Variants in CAMK1D observed in about 807,000 individuals in gnomAD.
The protein encoded by CAMK1D is calcium/calmodulin dependent protein kinase ID.
A neutral mutation model predicts 47.7 loss-of-function variants in CAMK1D; 9 were observed. The ratio of observed to expected loss-of-function variants is 0.19; its 90% confidence interval spans 0.11 to 0.33. The LOEUF (loss-of-function observed/expected upper bound fraction) is 0.33. Among genes scored for constraint, CAMK1D ranks in the 10% least tolerant of loss-of-function variants. The pLI is 1.00. For synonymous variants in CAMK1D, 184 were observed against 184.9 expected, an observed-to-expected ratio of 0.99 and a Z score of 0.04; for missense variants, 291 against 488.7, an observed-to-expected ratio of 0.60 and a Z score of 3.81.
At chr10:12,547,240 G>A (rs74116971) in intron 1 of CAMK1D, among the ~76,000 whole-genome samples, 2,266 of 152,332 alleles carry the variant, frequency 0.015, 64 homozygotes, top group African/African-American at 0.052. Flanking sequence ...AGGATGAGCA[G>A]TGAGAGGAAG....
At chr10:12,747,850 C>A (rs546953829) in intron 3 of CAMK1D, among the ~76,000 whole-genome samples, 10 of 152,144 alleles carry the variant, frequency 6.6e-5, no homozygotes, top group Non-Finnish European at 1.2e-4. Flanking sequence ...CAGGAGGGAT[C>A]CCCTCATATT....
chr10:12,711,631 C>A (rs1034514060), intron 3 of CAMK1D, among the ~76,000 whole-genome samples: 1 of 152,172 alleles, frequency 6.6e-6, no homozygotes, highest in Non-Finnish European at 1.5e-5. Context: ...ATTCTGCATT[C>A]TCATAAGAAG....
intron 1 of CAMK1D, among the ~76,000 whole-genome samples, chr10:12,532,682 G>T (rs966028154): frequency 6.6e-6 from 1 of 152,142 alleles, no homozygotes; most frequent in Non-Finnish European, 1.5e-5. Flanking sequence ...CCAAGATTTG[G>T]AAGTAACTTA....
chr10:12,597,320 T>C (rs185011274), intron 2 of CAMK1D, among the ~76,000 whole-genome samples: 1 of 152,312 alleles, frequency 6.6e-6, no homozygotes, highest in Admixed American at 6.5e-5. Context: ...ATAATGTTTG[T>C]GCTTAGGAAA....
At chr10:12,753,891 T>G (rs1221013161) in intron 3 of CAMK1D, among the ~76,000 whole-genome samples, 1 of 152,086 alleles carries the variant, frequency 6.6e-6, no homozygotes. Context: ...CTTTTTAGTT[T>G]TATTTCTTAT....
intron 3 of CAMK1D, among the ~76,000 whole-genome samples, chr10:12,714,327 A>G (rs1834038650): frequency 6.6e-6 from 1 of 152,232 alleles, no homozygotes. Flanking sequence ...TGCAAAATGG[A>G]ACAGTACACT....
At chr10:12,766,616 C>CT (rs991965181) in intron 4 of CAMK1D, among the ~76,000 whole-genome samples, 12 of 152,124 alleles carry the variant, frequency 7.9e-5, no homozygotes, top group African/African-American at 2.9e-4. Context: ...TATTGGGCTG[C>CT]TTTTTGTTAG....
At chr10:12,819,225 G>A (rs777563546) in intron 8 of CAMK1D, among the ~76,000 whole-genome samples, 10 of 152,216 alleles carry the variant, frequency 6.6e-5, no homozygotes, top group Admixed American at 6.5e-5. Context: ...CCTGCTGAGT[G>A]CCACACCATG....
At chr10:12,372,474 C>T (rs780745573) in intron 1 of CAMK1D, among the ~76,000 whole-genome samples, 1 of 152,138 alleles carries the variant, frequency 6.6e-6, no homozygotes, top group Non-Finnish European at 1.5e-5. Context: ...TTTTCCTTGC[C>T]CTGGTTGGTC....
In CAMK1D at chr10:12,691,495, C is replaced by T. The variant is rs145593278; in HGVS notation, c.299+24685C>T. Among the ~76,000 whole-genome samples the T allele has an allele frequency of 5.1e-3, 724 of 141,768 alleles. 2 individuals carry two copies. The highest frequency in any genetic ancestry group is 0.011 in the Middle Eastern group (3 of 266). 93.0% of individuals were successfully genotyped at this position (141,768 alleles called of 152,430 possible). A position where few individuals can be genotyped will look rare whatever the true frequency, so the allele number is the denominator to read the frequency against. ...TCGCCCAGGCTGAATTGCAGTGGTG[C>T]GATCTCAGCTCACTGCAACCTCTGC... On this transcript the variant is annotated intron_variant, in intron 3 of 10. Transcript: ENST00000619168.
At chr10:12,377,262 T>C (rs1838212227) in intron 1 of CAMK1D, among the ~76,000 whole-genome samples, 1 of 152,214 alleles carries the variant, frequency 6.6e-6, no homozygotes, top group African/African-American at 2.4e-5. Flanking sequence ...TCTGAAACTT[T>C]TAAAAAAAGT....
intron 1 of CAMK1D, among the ~76,000 whole-genome samples, chr10:12,508,561 G>A (rs952055222): frequency 6.6e-6 from 1 of 152,214 alleles, no homozygotes; most frequent in African/African-American, 2.4e-5. Context: ...TTCTGGAGGT[G>A]GACGGCGGTG....
chr10:12,750,267 C>T (rs1835885252), intron 3 of CAMK1D, among the ~76,000 whole-genome samples: 1 of 152,210 alleles, frequency 6.6e-6, no homozygotes, highest in South Asian at 2.1e-4. Flanking sequence ...AGCCAGTTGT[C>T]CCCACCCGGG....
chr10:12,421,668 G>A (rs1840056569), intron 1 of CAMK1D, among the ~76,000 whole-genome samples: 1 of 151,492 alleles, frequency 6.6e-6, no homozygotes, highest in South Asian at 2.1e-4. Context: ...TGGGTCTACA[G>A]GTGTGCATCA....
At chr10:12,623,970 T>A (rs1839127678) in intron 2 of CAMK1D, among the ~76,000 whole-genome samples, 1 of 152,056 alleles carries the variant, frequency 6.6e-6, no homozygotes, top group African/African-American at 2.4e-5. Context: ...TCCCAGCTAT[T>A]CGGGAGGCTG....
At chr10:12,489,707 C>T (rs1487464967) in intron 1 of CAMK1D, among the ~76,000 whole-genome samples, 4 of 152,142 alleles carry the variant, frequency 2.6e-5, no homozygotes, top group Non-Finnish European at 5.9e-5. Context: ...CCTTTGCCTT[C>T]GTGGTAGTTA....
At chr10:12,820,638 C>T (rs1023687800) in intron 8 of CAMK1D, among the ~76,000 whole-genome samples, 6 of 152,154 alleles carry the variant, frequency 3.9e-5, no homozygotes, top group Non-Finnish European at 5.9e-5. Flanking sequence ...CCACCGAGGG[C>T]GAGGGAGGCC....
chr10:12,471,523 C>T (rs72638761), intron 1 of CAMK1D, among the ~76,000 whole-genome samples: 19,342 of 152,160 alleles, frequency 0.13, 1,679 homozygotes, highest in East Asian at 0.5. Context: ...TGAGGAGGAA[C>T]AGGGCAGGAG....
At chr10:12,537,476 C>T (rs1040251242) in intron 1 of CAMK1D, among the ~76,000 whole-genome samples, 4 of 152,234 alleles carry the variant, frequency 2.6e-5, no homozygotes, top group African/African-American at 4.8e-5. Context: ...AGCAACTCTC[C>T]CACATAACTT....
Sources: allele counts gnomAD v4.1 joint callset (sites outside exome capture counted in the v4.1 genomes callset), GRCh38; gene constraint gnomAD v4.1.1; transcripts MANE v1.5; gene names NCBI Gene and HGNC (gene_info 2026-07-23, HGNC 2026-07-21).